Variants in WDR72 observed in about 807,000 individuals in gnomAD.
The protein encoded by WDR72 is WD repeat domain 72.
In WDR72, 120 loss-of-function variants were observed where a neutral mutation model predicts 124.2. The observed-to-expected ratio is 0.97, with a 90% CI of 0.83 to 1.12. The LOEUF (loss-of-function observed/expected upper bound fraction) is 1.12, where lower values mean the gene tolerates loss of function less well. Among genes scored for constraint, WDR72 ranks in the 50% most tolerant of loss-of-function variants. The pLI is 0.00. For missense variants in WDR72, 1,387 were observed against 1,278.8 expected (o/e 1.08, Z -1.29); for synonymous variants, 452 against 441.7 (o/e 1.02, Z -0.29).
intron 9 of WDR72, among the ~76,000 whole-genome samples, chr15:53,707,817 G>T (rs2017425356): frequency 6.6e-6 from 1 of 152,134 alleles, no homozygotes; most frequent in South Asian, 2.1e-4. Context: ...ATTTGAAATG[G>T]TGTTGATAAC....
chr15:53,674,492 G>A lies in WDR72; in HGVS notation c.1766-8724C>T, dbSNP rs74420143. Among the ~76,000 whole-genome samples, 1,230 of 152,278 alleles carry A rather than the reference G, an allele frequency of 8.1e-3. 20 individuals are homozygous for A. Among genetic ancestry groups the A allele is most frequent in the African/African-American group, 0.028 (1,179 of 41,546 alleles). On this transcript the variant is annotated intron_variant, in intron 13 of 19. Coordinates refer to ENST00000360509, the MANE Select transcript of WDR72 (RefSeq NM_182758.4). ...ATCTTACTCCAGGAAATGTATAACTGATGGGGGTTCCCACCACAAACAGGG... is the reference window on the plus strand; with the variant it reads ...ATCTTACTCCAGGAAATGTATAACTAATGGGGGTTCCCACCACAAACAGGG...
chr15:53,623,906 T>A (rs1030780853), intron 14 of WDR72, among the ~76,000 whole-genome samples: 1 of 152,232 alleles, frequency 6.6e-6, no homozygotes, highest in Non-Finnish European at 1.5e-5. Flanking sequence ...TAACTCATTG[T>A]CGTTTAGAGT....
intron 14 of WDR72, among the ~76,000 whole-genome samples, chr15:53,662,377 T>C (rs963886194): frequency 3.3e-5 from 5 of 152,208 alleles, no homozygotes; most frequent in Non-Finnish European, 7.3e-5. Flanking sequence ...CAGATCTATA[T>C]GCACTTGCTT....
chr15:53,703,584 A>G (rs962484748), intron 11 of WDR72, among the ~76,000 whole-genome samples: 3 of 152,052 alleles, frequency 2.0e-5, no homozygotes, highest in African/African-American at 4.8e-5. Context: ...GATAATGTCT[A>G]TAATTTTGTA....
chr15:53,694,372 G>A (rs578060571), intron 13 of WDR72, among the ~76,000 whole-genome samples: 28 of 152,252 alleles, frequency 1.8e-4, no homozygotes, highest in Non-Finnish European at 3.7e-4. Context: ...CTATCAGAGT[G>A]CCAGCCACGA....
intron 13 of WDR72, chr15:53,684,147 T>C (rs1004792753): frequency 6.6e-6 from 1 of 152,188 alleles, no homozygotes; most frequent in African/African-American, 2.4e-5. Flanking sequence ...TAGACGAACC[T>C]TTAACAATGA....
chr15:53,545,007 A>G (rs2140267840), intron 18 of WDR72, among the ~76,000 whole-genome samples: 1 of 144,490 alleles, frequency 6.9e-6, no homozygotes, highest in Non-Finnish European at 1.5e-5. Context: ...TCAAGGAAAT[A>G]AAAGAGGATA....
chr15:53,626,317 T>C (rs1034085349), intron 14 of WDR72, among the ~76,000 whole-genome samples: 1 of 152,116 alleles, frequency 6.6e-6, no homozygotes, highest in Non-Finnish European at 1.5e-5. Context: ...TCAGCTCAAT[T>C]AGGATGAACC....
chr15:53,731,239 C>T (rs1038125644), intron 2 of WDR72, among the ~76,000 whole-genome samples: 2 of 152,026 alleles, frequency 1.3e-5, no homozygotes, highest in African/African-American at 2.4e-5. Context: ...CCCCTCTGGC[C>T]TTACCTCTCT....
chr15:53,525,070 G>T (rs965905071), intron 18 of WDR72, among the ~76,000 whole-genome samples: 1 of 152,070 alleles, frequency 6.6e-6, no homozygotes, highest in Admixed American at 6.6e-5. Flanking sequence ...GACATGGAAG[G>T]AGAGGATGTG....
At chr15:53,618,044 C>T (rs545596960) in intron 14 of WDR72, among the ~76,000 whole-genome samples, 13 of 151,824 alleles carry the variant, frequency 8.6e-5, no homozygotes, top group South Asian at 6.2e-4. Context: ...TTTTTCTATA[C>T]GTGTTATACA....
Position 53,715,267 on chromosome 15 carries a change from A to T in WDR72, c.440T>A (p.Val147Asp). 6.2e-7 allele frequency: 1 copy of T among 1,614,160 alleles called. No individual in the cohort carries two copies. Residue 147 changes from valine (V) to aspartate (D), a missense_variant, in exon 5 of 20, where the codon GTT becomes GAT. Coordinates refer to ENST00000360509, the MANE Select transcript of WDR72 (RefSeq NM_182758.4). ...AAACTGAGATGATCTAAAACTGTGA[A>T]CAACAGCCAAAGTTTTGGCATCAAT... ...LIIDAKTLAV[V>D]HSFRSSQFPD...
intron 1 of WDR72, among the ~76,000 whole-genome samples, chr15:53,741,344 G>C (rs935347395): frequency 3.3e-5 from 5 of 152,222 alleles, no homozygotes; most frequent in South Asian, 2.1e-4. Context: ...ATGGACCAAG[G>C]TCAAAGCCAC....
intron 19 of WDR72, among the ~76,000 whole-genome samples, chr15:53,518,046 A>G (rs1206365078): frequency 6.6e-6 from 1 of 151,732 alleles, no homozygotes; most frequent in African/African-American, 2.4e-5. Flanking sequence ...TTTTTTTTTA[A>G]CTGCCAAGGA....
intron 18 of WDR72, among the ~76,000 whole-genome samples, chr15:53,550,008 G>T (rs1015020260): frequency 6.6e-6 from 1 of 152,100 alleles, no homozygotes; most frequent in African/African-American, 2.4e-5. Flanking sequence ...CATAATATAA[G>T]CTCCAGAAAG....
chr15:53,657,074 C>T (rs1736189099), intron 14 of WDR72, among the ~76,000 whole-genome samples: 1 of 151,756 alleles, frequency 6.6e-6, no homozygotes. Context: ...ACCATCCTGG[C>T]TAACACAGTG....
Position 53,699,957 on chromosome 15 carries a change from C to A in WDR72, c.1570-12G>T, listed in dbSNP as rs778636356. 2.5e-6 allele frequency: 4 copies of A among 1,613,956 alleles called. No individual in the cohort carries two copies. In the African/African-American group the frequency reaches 4.0e-5, roughly 16 times the overall value. On this transcript the variant is annotated splice_polypyrimidine_tract_variant and intron_variant, in intron 12 of 19. Transcript: ENST00000360509. ...TGCTCACCCCTTAGCTGTGAAAAAA[C>A]AACATGCTTATGTAAGTAAATAGTC...
chr15:53,575,787 G>A (rs901458063), intron 18 of WDR72, among the ~76,000 whole-genome samples: 2 of 152,118 alleles, frequency 1.3e-5, no homozygotes, highest in African/African-American at 4.8e-5. Flanking sequence ...GTGTTAACCT[G>A]TGCATTTTAA....
At chr15:53,666,307 C>T (rs2015778537) in intron 13 of WDR72, among the ~76,000 whole-genome samples, 1 of 152,020 alleles carries the variant, frequency 6.6e-6, no homozygotes, top group African/African-American at 2.4e-5. Flanking sequence ...GTGATTATAT[C>T]CTTTGGCTTT....
Sources: allele counts gnomAD v4.1 joint callset (sites outside exome capture counted in the v4.1 genomes callset), GRCh38; gene constraint gnomAD v4.1.1; transcripts MANE v1.5; gene names NCBI Gene and HGNC (gene_info 2026-07-23, HGNC 2026-07-21).